Variants in COMMD6 observed in about 807,000 individuals in gnomAD.
COMMD6 encodes COMM domain containing 6.
A neutral mutation model predicts 13.4 loss-of-function variants in COMMD6; 11 were observed. That is an observed-to-expected ratio of 0.82 (90% CI 0.52 to 1.36). The LOEUF (loss-of-function observed/expected upper bound fraction) is 1.36, where lower values mean the gene tolerates loss of function less well. Ranked by LOEUF, COMMD6 falls within the 40% of genes most tolerant of loss-of-function variation. The pLI, the probability that COMMD6 is intolerant of heterozygous loss-of-function variation, is 0.00. For synonymous variants in COMMD6, 43 were observed against 36.5 expected, an observed-to-expected ratio of 1.18 and a Z score of -0.64; for missense variants, 124 against 102.4, an observed-to-expected ratio of 1.21 and a Z score of -0.91.
Position 75,526,584 on chromosome 13 carries a change from C to T in COMMD6, c.*5G>A, listed in dbSNP as rs201257070. On this transcript the variant is annotated 3_prime_UTR_variant, in exon 4 of 4. Coordinates refer to ENST00000682242, the MANE Select transcript of COMMD6 (RefSeq NM_203495.4). ...ATAGCAATTTATCAACCAAAGAATCCGTCTTCACACCGTTTCAATAACTGC... is the reference window on the plus strand; with the variant it reads ...ATAGCAATTTATCAACCAAAGAATCTGTCTTCACACCGTTTCAATAACTGC... 74 of 1,590,808 alleles carry T rather than the reference C, an allele frequency of 4.7e-5. No homozygotes were observed. Among genetic ancestry groups the T allele is most frequent in the Admixed American group, 8.5e-5 (5 of 58,526 alleles).
intron 2 of COMMD6, among the ~76,000 whole-genome samples, chr13:75,536,324 C>T (rs1433015646): frequency 6.6e-6 from 1 of 152,206 alleles, no homozygotes; most frequent in Non-Finnish European, 1.5e-5. Context: ...TTTTCCTATG[C>T]AAACAATCAT....
intron 2 of COMMD6, chr13:75,530,503 A>G (rs1489200417): frequency 3.2e-6 from 1 of 308,196 alleles, no homozygotes; most frequent in Non-Finnish European, 5.9e-6. Flanking sequence ...AAAAAACAAA[A>G]AGTGAAAAAA....
At chr13:75,535,726 T>G (rs1044010283) in intron 2 of COMMD6, among the ~76,000 whole-genome samples, 1 of 152,138 alleles carries the variant, frequency 6.6e-6, no homozygotes, top group Non-Finnish European at 1.5e-5. Flanking sequence ...CCAAGAGGAG[T>G]TGTTGATTTT....
intron 2 of COMMD6, among the ~76,000 whole-genome samples, chr13:75,534,973 G>C (rs998372119): frequency 6.6e-6 from 1 of 152,170 alleles, no homozygotes; most frequent in Non-Finnish European, 1.5e-5. Context: ...AATTCTAGTG[G>C]GGAAGGCAGA....
At chr13:75,535,587 T>C (rs1482220312) in intron 2 of COMMD6, among the ~76,000 whole-genome samples, 1 of 152,188 alleles carries the variant, frequency 6.6e-6, no homozygotes, top group East Asian at 1.9e-4. Flanking sequence ...TCCAGTAATT[T>C]GTCGATTTCA....
chr13:75,533,244 A>G (rs1023425564), intron 2 of COMMD6, among the ~76,000 whole-genome samples: 3 of 151,976 alleles, frequency 2.0e-5, no homozygotes, highest in Admixed American at 6.5e-5. Flanking sequence ...AAGTTTTTCA[A>G]TAGAGAGAAT....
At position 75,537,826 on chromosome 13, in the gene COMMD6, G is replaced by C. The variant is rs374256603; in HGVS notation, c.-21C>G. ...TCCATGGGCAGCGTCTGGGACTTGCGGCCCGGACTCGAGAGAACGCCCCCA... is the reference window on the plus strand; with the variant it reads ...TCCATGGGCAGCGTCTGGGACTTGCCGCCCGGACTCGAGAGAACGCCCCCA... On this transcript the variant is annotated 5_prime_UTR_variant, in exon 1 of 4. Transcript: ENST00000682242. 3.8e-5 allele frequency: 60 copies of C among 1,585,112 alleles called. No individual in the cohort carries two copies. Among genetic ancestry groups the C allele is most frequent in the Non-Finnish European group, 4.9e-5 (57 of 1,163,364 alleles).
intron 2 of COMMD6, among the ~76,000 whole-genome samples, chr13:75,532,993 C>T (rs1019513411): frequency 4.7e-5 from 7 of 150,404 alleles, no homozygotes; most frequent in South Asian, 2.1e-4. Context: ...TGCAGTGGCA[C>T]GATCTTGGCT....
In COMMD6 at chr13:75,525,894, T is replaced by C. The variant is rs1277652182; in HGVS notation, c.*695A>G. 6.6e-6 allele frequency: 1 copy of C among 152,280 alleles called. No individual in the cohort carries two copies. Among genetic ancestry groups the C allele is most frequent in the Non-Finnish European group, 1.5e-5 (1 of 68,048 alleles). 9.4% of individuals were successfully genotyped at this position (152,280 alleles called of 1,614,324 possible). A position where few individuals can be genotyped will look rare whatever the true frequency, so the allele number is the denominator to read the frequency against. ...AAAAGCGTTTAACAACAGGTTTATGTATTTAAATTCAACAGAGATCATCTA... is the reference window on the plus strand; with the variant it reads ...AAAAGCGTTTAACAACAGGTTTATGCATTTAAATTCAACAGAGATCATCTA... On this transcript the variant is annotated 3_prime_UTR_variant, in exon 4 of 4. Transcript: ENST00000682242.
rs1246720335 is a variant in COMMD6, at chr13:75,525,893, G to C, written c.*696C>G. 1 of 152,234 alleles carries C rather than the reference G, an allele frequency of 6.6e-6. No homozygotes were observed. Among genetic ancestry groups the C allele is most frequent in the East Asian group, 1.9e-4 (1 of 5,202 alleles). 9.4% of individuals were successfully genotyped at this position (152,234 alleles called of 1,614,324 possible). A position where few individuals can be genotyped will look rare whatever the true frequency, so the allele number is the denominator to read the frequency against. On this transcript the variant is annotated 3_prime_UTR_variant, in exon 4 of 4. Transcript: ENST00000682242. ...TAAAAGCGTTTAACAACAGGTTTAT[G>C]TATTTAAATTCAACAGAGATCATCT...
chr13:75,530,339 C>T (rs1166223524), intron 2 of COMMD6, 73 bp from the exon 3 acceptor site: 6 of 1,243,816 alleles, frequency 4.8e-6, no homozygotes, highest in East Asian at 2.4e-5. Flanking sequence ...TTCAATTTTA[C>T]TGCAGTTACA....
chr13:75,537,470 G>C (rs1176353029), intron 2 of COMMD6, 194 bp downstream of exon 2: 1 of 1,552,216 alleles, frequency 6.4e-7, no homozygotes, highest in East Asian at 2.4e-5. Context: ...GTGGGGAAGA[G>C]GAGCTTTCAT....
chr13:75,543,348 A>C (rs997482047), upstream of COMMD6, among the ~76,000 whole-genome samples: 3 of 151,612 alleles, frequency 2.0e-5, no homozygotes, highest in Non-Finnish European at 4.4e-5. Flanking sequence ...AAGAAAAAAA[A>C]CAGCTGGAAT....
At chr13:75,527,864 G>C (rs1235844222) in intron 3 of COMMD6, 22 of 1,501,438 alleles carry the variant, frequency 1.5e-5, no homozygotes, top group Non-Finnish European at 1.9e-5. Flanking sequence ...GGGGGTCAAT[G>C]GGGAAATGTT....
chr13:75,537,808 G>T lies in COMMD6; in HGVS notation c.-3C>A. 1 of 1,602,642 alleles carries T rather than the reference G, an allele frequency of 6.2e-7. No homozygotes were observed. The highest frequency in any genetic ancestry group is 8.5e-7 in the Non-Finnish European group (1 of 1,172,604). On this transcript the variant is annotated 5_prime_UTR_variant, in exon 1 of 4. Coordinates refer to ENST00000682242, the MANE Select transcript of COMMD6 (RefSeq NM_203495.4). ...GGCGGCTCGCTGGACGCCTCCATGG[G>T]CAGCGTCTGGGACTTGCGGCCCGGA...
upstream of COMMD6, among the ~76,000 whole-genome samples, chr13:75,539,978 T>TC (rs994133212): frequency 5.3e-5 from 8 of 150,546 alleles, no homozygotes; most frequent in African/African-American, 2.0e-4. Flanking sequence ...TCTTTTTTTT[T>TC]TTTTTTTTTT....
chr13:75,526,596 G>T lies in COMMD6; in HGVS notation c.251C>A (p.Thr84Lys). 6.2e-7 allele frequency: 1 copy of T among 1,603,638 alleles called. No homozygotes were observed. The highest frequency in any genetic ancestry group is 8.5e-7 in the Non-Finnish European group (1 of 1,173,236). The change falls in exon 4 of 4, where the codon ACG becomes AAG. Residue 84 changes from threonine to lysine, a missense_variant. Coordinates refer to ENST00000682242, the MANE Select transcript of COMMD6 (RefSeq NM_203495.4). ...CAACCAAAGAATCCGTCTTCACACC[G>T]TTTCAATAACTGCAGCAATTTCCTT... is the stretch of plus-strand genomic sequence containing the variant. ...QFKEIAAVIE[T>K]V
chr13:75,546,078 T>C (rs143770885), intron 1 of COMMD6, among the ~76,000 whole-genome samples: 53 of 152,334 alleles, frequency 3.5e-4, no homozygotes, highest in African/African-American at 1.3e-3. Context: ...TGTATGCCTA[T>C]ACCAAAGCAT....
At chr13:75,541,024 A>T (rs574552207), upstream of COMMD6, among the ~76,000 whole-genome samples, 9 of 152,338 alleles carry the variant, frequency 5.9e-5, no homozygotes, top group South Asian at 1.7e-3. Flanking sequence ...AAGGGAGATG[A>T]CAATGTACCA....
Sources: allele counts gnomAD v4.1 joint callset (sites outside exome capture counted in the v4.1 genomes callset), GRCh38; gene constraint gnomAD v4.1.1; transcripts MANE v1.5; gene names NCBI Gene and HGNC (gene_info 2026-07-23, HGNC 2026-07-21).